Variants in PHF21B observed in about 807,000 individuals in gnomAD.
PHF21B encodes PHD finger protein 4.
In PHF21B, 22 loss-of-function variants were observed where a neutral mutation model predicts 62.2. The observed-to-expected ratio is 0.35, with a 90% CI of 0.25 to 0.51. The LOEUF (loss-of-function observed/expected upper bound fraction) is 0.51, where lower values mean the gene tolerates loss of function less well. Ranked by LOEUF, PHF21B falls within the 20% of genes least tolerant of loss-of-function variation. The probability of loss-of-function intolerance (pLI) is 0.97; values close to 1 mark genes in which losing one functional copy is unlikely to be tolerated. For missense variants in PHF21B, 701 were observed against 707.9 expected, an observed-to-expected ratio of 0.99 and a Z score of 0.11; for synonymous variants, 341 against 314.7, an observed-to-expected ratio of 1.08 and a Z score of -0.88.
At chr22:44,910,540 T>G (rs988752984) in intron 5 of PHF21B, among the ~76,000 whole-genome samples, 1 of 152,178 alleles carries the variant, frequency 6.6e-6, no homozygotes, top group Non-Finnish European at 1.5e-5. Context: ...CTTGTGATAG[T>G]GAATGTCTCA....
rs1203337254 is a variant in PHF21B, at chr22:45,009,464, C to T, written c.54+32G>A. On this transcript the variant is annotated intron_variant, in intron 1 of 12. Transcript: ENST00000313237. The surrounding 1 kb of genome is among the most constrained non-coding windows in gnomAD (Gnocchi z 5.9). ...GACCCCCTCACCCCGCAACACACTC[C>T]CCGGCCCCGGGCCCGGCCCCCGGCC... 3 of 1,524,360 alleles carry T rather than the reference C, an allele frequency of 2.0e-6. No individual in the cohort carries two copies. The highest frequency in any genetic ancestry group is 2.5e-5 in the East Asian group (1 of 39,828). The allele number at this position is 1,524,360 out of a possible 1,614,324, so 94.4% of individuals were successfully genotyped here.
chr22:44,992,950 T>C (rs896360631), intron 2 of PHF21B, among the ~76,000 whole-genome samples: 2 of 152,168 alleles, frequency 1.3e-5, no homozygotes, highest in African/African-American at 4.8e-5. Flanking sequence ...CAGGGACTGA[T>C]TCAGAAAGAG....
intron 2 of PHF21B, among the ~76,000 whole-genome samples, chr22:44,975,775 C>G (rs546754080): frequency 4.6e-5 from 7 of 152,384 alleles, no homozygotes; most frequent in Admixed American, 3.9e-4. Flanking sequence ...CCAGCGGGTC[C>G]TCCCACCCAG....
At chr22:44,896,878 C>CTTTTTTTTTTTTTTTTTTTT (rs1439624625) in intron 5 of PHF21B, among the ~76,000 whole-genome samples, 1 of 37,314 alleles carries the variant, frequency 2.7e-5, no homozygotes. Context: ...TTAGTTTTAT[C>CTTTTTTTTTTTTTTTTTTTT]TGTTTTTTTT....
chr22:44,930,759 C>G (rs994705523), intron 2 of PHF21B, among the ~76,000 whole-genome samples: 1 of 149,588 alleles, frequency 6.7e-6, no homozygotes, highest in Non-Finnish European at 1.5e-5. Flanking sequence ...GCTCTCACCT[C>G]TTCTGACAGG....
chr22:44,891,412 C>T (rs1321335173), intron 7 of PHF21B, 52 bp from the exon 8 acceptor site: 4 of 1,591,340 alleles, frequency 2.5e-6, no homozygotes, highest in East Asian at 2.2e-5. Flanking sequence ...AGGCTCTCTT[C>T]GATGGTGACG....
chr22:44,890,538 G>C (rs1367363378), intron 8 of PHF21B, among the ~76,000 whole-genome samples: 12 of 152,220 alleles, frequency 7.9e-5, no homozygotes, highest in Admixed American at 7.9e-4. Flanking sequence ...CCACTTTCCA[G>C]ATCAGTAAAC....
In PHF21B at chr22:44,946,630, G is replaced by GTTGT. The variant is rs557097513; in HGVS notation, c.121-26141_121-26140insACAA. Among the ~76,000 whole-genome samples, 968 of 151,586 alleles carry GTTGT rather than the reference G, an allele frequency of 6.4e-3. 11 individuals are homozygous for GTTGT. The highest frequency in any genetic ancestry group is 0.022 in the African/African-American group (901 of 41,300). On this transcript the variant is annotated intron_variant, in intron 2 of 12. Coordinates refer to ENST00000313237, the MANE Select transcript of PHF21B (RefSeq NM_138415.5). ...CAGTGGTTGTATGGATGGATGGGTG[G>GTTGT]ATGGATGGATGGGTGGATGGACGGT...
chr22:44,937,226 C>G (rs2071867548), intron 2 of PHF21B, among the ~76,000 whole-genome samples: 1 of 152,146 alleles, frequency 6.6e-6, no homozygotes, highest in Admixed American at 6.5e-5. Flanking sequence ...ATGGTAACAT[C>G]AAAACACACC....
chr22:44,947,971 G>GACTCCTCCCCGCTGTTGTC (rs2072109124), intron 2 of PHF21B, among the ~76,000 whole-genome samples: 1 of 136,552 alleles, frequency 7.3e-6, no homozygotes, highest in African/African-American at 2.8e-5. Flanking sequence ...GGGCGCCAGA[G>GACTCCTCCCCGCTGTTGTC]CCTCCTCCCC....
intron 2 of PHF21B, among the ~76,000 whole-genome samples, chr22:44,968,512 C>A (rs968123707): frequency 1.3e-5 from 2 of 151,950 alleles, no homozygotes; most frequent in Admixed American, 1.3e-4. Context: ...AGCGTGGTGG[C>A]ACGTGCTTGT....
intron 2 of PHF21B, chr22:44,933,607 G>A: frequency 1.1e-6 from 1 of 916,020 alleles, no homozygotes; most frequent in Non-Finnish European, 1.3e-6. Context: ...CATAGAAGGG[G>A]TAAGCGTTAA....
Position 44,882,968 on chromosome 22 carries a change from T to G in PHF21B, c.*118A>C. The G allele has an allele frequency of 2.5e-6, 3 of 1,214,894 alleles. No homozygotes were observed. Among genetic ancestry groups the G allele is most frequent in the Non-Finnish European group, 3.4e-6 (3 of 877,284 alleles). 75.3% of individuals were successfully genotyped at this position (1,214,894 alleles called of 1,614,324 possible). A position where few individuals can be genotyped will look rare whatever the true frequency, so the allele number is the denominator to read the frequency against. On this transcript the variant is annotated 3_prime_UTR_variant, in exon 13 of 13. Transcript: ENST00000313237. ...AGCTCTTCCTCCCTCCTCTCCTCTG[T>G]CTGGTTAATTTTTGTCTGAAATTCA...
At chr22:44,975,645 C>T (rs1006662345) in intron 2 of PHF21B, among the ~76,000 whole-genome samples, 2 of 152,232 alleles carry the variant, frequency 1.3e-5, no homozygotes. Flanking sequence ...GGAACCCAGG[C>T]TCCTGCCACC....
chr22:44,895,707 C>T (rs1245558357), intron 6 of PHF21B, among the ~76,000 whole-genome samples: 1 of 152,204 alleles, frequency 6.6e-6, no homozygotes, highest in South Asian at 2.1e-4. Flanking sequence ...ACGGTCCCTC[C>T]GCTGAAACAA....
chr22:44,918,877 C>A (rs935205587), intron 3 of PHF21B, among the ~76,000 whole-genome samples: 4 of 152,196 alleles, frequency 2.6e-5, no homozygotes, highest in Admixed American at 2.0e-4. Context: ...TGAAGCCTCG[C>A]ATAGCTCCCT....
chr22:44,995,512 T>G (rs1458213037), intron 2 of PHF21B, among the ~76,000 whole-genome samples: 2 of 152,106 alleles, frequency 1.3e-5, no homozygotes, highest in Admixed American at 1.3e-4. Context: ...GGCACTCTGG[T>G]TGTGTGACCA....
intron 5 of PHF21B, among the ~76,000 whole-genome samples, chr22:44,908,072 C>A (rs1194526774): frequency 1.3e-5 from 2 of 152,134 alleles, no homozygotes; most frequent in Non-Finnish European, 2.9e-5. Flanking sequence ...GGATGATAAC[C>A]CAAAGTATCG....
At chr22:45,004,538 T>C (rs1328497378) in intron 2 of PHF21B, among the ~76,000 whole-genome samples, 1 of 152,214 alleles carries the variant, frequency 6.6e-6, no homozygotes, top group Non-Finnish European at 1.5e-5. Context: ...TTTTCTGCAA[T>C]GTATAATGAT....
Sources: allele counts gnomAD v4.1 joint callset (sites outside exome capture counted in the v4.1 genomes callset), GRCh38; gene constraint gnomAD v4.1.1; non-coding constraint Gnocchi (gnomAD v3.1); transcripts MANE v1.5; gene names NCBI Gene and HGNC (gene_info 2026-07-23, HGNC 2026-07-21).